ZNF469: variants seen among roughly 807,000 people sequenced by gnomAD.
ZNF469 encodes zinc finger protein 469.
In ZNF469, 1 loss-of-function variant was observed where a neutral mutation model predicts 1.0. That is an observed-to-expected ratio of 1.00 (90% CI 0.35 to 4.73). ZNF469 has a LOEUF of 4.73. Among genes scored for constraint, ZNF469 ranks in the 30% most tolerant of loss-of-function variants. The probability of loss-of-function intolerance (pLI) is 0.16; values close to 1 mark genes in which losing one functional copy is unlikely to be tolerated. For synonymous variants in ZNF469, 2,703 were observed against 2,363.4 expected (o/e 1.14, Z -4.17); for missense variants, 6,100 against 5,356.3 (o/e 1.14, Z -4.33).
At chr16:88,195,511 CT>C in the ZNF469 span, among the ~76,000 whole-genome samples, 19 of 152,194 alleles carry the variant, frequency 1.2e-4, no homozygotes, top group Middle Eastern at 6.8e-3. Context: ...TGGGTTTTAG[CT>C]GGGGCTGTCG....
the ZNF469 span, among the ~76,000 whole-genome samples, chr16:88,325,179 C>T: frequency 5.5e-5 from 6 of 109,342 alleles, no homozygotes; most frequent in Admixed American, 1.6e-4. Context: ...GGCCTCAAGT[C>T]CTCACCTGCA....
chr16:88,349,691 C>T, the ZNF469 span, among the ~76,000 whole-genome samples: 2 of 69,872 alleles, frequency 2.9e-5, no homozygotes, highest in Non-Finnish European at 6.4e-5. Context: ...ACACACCAAG[C>T]ACAATACACA....
chr16:88,132,200 C>A, the ZNF469 span, among the ~76,000 whole-genome samples: 1 of 152,238 alleles, frequency 6.6e-6, no homozygotes, highest in Non-Finnish European at 1.5e-5. Flanking sequence ...GGCCCCCACC[C>A]CTACCCAGGA....
Position 88,439,991 on chromosome 16 carries a change from G to A in ZNF469, c.*659G>A, listed in dbSNP as rs531681945. ...CCATCTCTAGCACACCTTGACCCCA[G>A]GAACCGGGTTCCCGTATGGAACTGG... On this transcript the variant is annotated 3_prime_UTR_variant, in exon 3 of 3. Coordinates refer to ENST00000565624, the MANE Select transcript of ZNF469 (RefSeq NM_001367624.2). 5.8e-5 allele frequency: 9 copies of A among 155,330 alleles called. No homozygotes were observed. The highest frequency in any genetic ancestry group is 2.2e-4 in the African/African-American group (9 of 41,406). The allele number at this position is 155,330 out of a possible 1,614,324, so 9.6% of individuals were successfully genotyped here.
chr16:88,158,545 G>T, the ZNF469 span, among the ~76,000 whole-genome samples: 1 of 88,778 alleles, frequency 1.1e-5, no homozygotes, highest in Non-Finnish European at 2.3e-5. Flanking sequence ...CAGAAGCCTG[G>T]CCTCATCTCT....
chr16:88,246,097 C>T, the ZNF469 span, among the ~76,000 whole-genome samples: 1 of 152,278 alleles, frequency 6.6e-6, no homozygotes, highest in Admixed American at 6.5e-5. Context: ...GCCCCAAGCC[C>T]CTGGAGGGCC....
At chr16:88,401,658 G>A (rs1011763049) in intron 1 of ZNF469, among the ~76,000 whole-genome samples, 20 of 77,214 alleles carry the variant, frequency 2.6e-4, no homozygotes, top group African/African-American at 7.8e-4. Context: ...TGGGTGGATG[G>A]GTAGATGGAT....
chr16:88,226,929 A>C, the ZNF469 span, among the ~76,000 whole-genome samples: 6 of 152,208 alleles, frequency 3.9e-5, no homozygotes, highest in South Asian at 4.2e-4. Context: ...CCACCCGGGA[A>C]GGATTCCCAA....
rs775423936 is a variant in ZNF469, at chr16:88,430,377, GGGCGGC to G, written c.2914_2919del (p.Gly972_Gly973del). The G allele has an allele frequency of 9.7e-4, 1,477 of 1,516,112 alleles. 3 individuals carry two copies. The highest frequency in any genetic ancestry group is 1.2e-3 in the Non-Finnish European group (1,386 of 1,135,744). 93.9% of individuals were successfully genotyped at this position (1,516,112 alleles called of 1,614,324 possible). A position where few individuals can be genotyped will look rare whatever the true frequency, so the allele number is the denominator to read the frequency against. ...GCGGCGCAGCAGAGGGGTCGGGGTC[GGGCGGC>G]GGCGGCAGAGCCTCCGGCCTGAGGC... On this transcript the variant is annotated inframe_deletion, in exon 3 of 3. Transcript: ENST00000565624.
At chr16:88,337,210 C>T in the ZNF469 span, among the ~76,000 whole-genome samples, 5 of 152,184 alleles carry the variant, frequency 3.3e-5, no homozygotes, top group Admixed American at 1.3e-4. Context: ...CCACCATTCC[C>T]GCATGTGGCA....
the ZNF469 span, among the ~76,000 whole-genome samples, chr16:88,305,755 AAC>A: frequency 4.6e-5 from 7 of 152,096 alleles, no homozygotes; most frequent in South Asian, 2.1e-4. Context: ...TACACACGGA[AAC>A]ACACATATGC....
chr16:88,401,909 GGGA>G (rs1904885098), intron 1 of ZNF469, among the ~76,000 whole-genome samples: 1 of 96,416 alleles, frequency 1.0e-5, no homozygotes, highest in South Asian at 3.5e-4. Context: ...GATGGATGGA[GGGA>G]TGGATGGATG....
At chr16:88,241,836 G>T in the ZNF469 span, among the ~76,000 whole-genome samples, 1 of 152,208 alleles carries the variant, frequency 6.6e-6, no homozygotes, top group Non-Finnish European at 1.5e-5. The surrounding 1 kb of genome is among the most constrained non-coding windows in gnomAD (Gnocchi z 4.8). Flanking sequence ...TGAGGGACCT[G>T]CTCCAGCAAG....
intron 1 of ZNF469, among the ~76,000 whole-genome samples, chr16:88,418,037 G>A (rs1905351434): frequency 6.6e-6 from 1 of 152,100 alleles, no homozygotes; most frequent in South Asian, 2.1e-4. Context: ...CTAACCTAGA[G>A]CCCCAGGTTC....
the ZNF469 span, among the ~76,000 whole-genome samples, chr16:88,122,902 G>A: frequency 6.6e-6 from 1 of 151,946 alleles, no homozygotes; most frequent in Admixed American, 6.6e-5. Context: ...GAGTGCAGTG[G>A]TGCAATCATA....
the ZNF469 span, among the ~76,000 whole-genome samples, chr16:88,231,869 G>T: frequency 7.2e-5 from 11 of 152,228 alleles, no homozygotes; most frequent in Non-Finnish European, 1.2e-4. The surrounding 1 kb of genome is among the most constrained non-coding windows in gnomAD (Gnocchi z 4.5). Context: ...TAGGATGTGG[G>T]CATCTTTGGG....
the ZNF469 span, among the ~76,000 whole-genome samples, chr16:88,377,863 T>TTGC: frequency 2.0e-5 from 3 of 147,968 alleles, no homozygotes; most frequent in East Asian, 4.1e-4. Flanking sequence ...ATTCTAGAGC[T>TTGC]TGTTGTTGTT....
chr16:88,401,949 TGGGAAGA>T, intron 1 of ZNF469, among the ~76,000 whole-genome samples: 1 of 23,484 alleles, frequency 4.3e-5, no homozygotes, highest in South Asian at 6.6e-4. Flanking sequence ...CGTGGGTGGA[TGGGAAGA>T]TGGATGGGTG....
At chr16:88,365,937 C>T in the ZNF469 span, among the ~76,000 whole-genome samples, 5 of 152,338 alleles carry the variant, frequency 3.3e-5, no homozygotes, top group African/African-American at 1.2e-4. Flanking sequence ...CAGCCATACA[C>T]ACATGGTGAC....
Sources: allele counts gnomAD v4.1 joint callset (sites outside exome capture counted in the v4.1 genomes callset), GRCh38; gene constraint gnomAD v4.1.1; non-coding constraint Gnocchi (gnomAD v3.1); transcripts MANE v1.5; gene names NCBI Gene and HGNC (gene_info 2026-07-23, HGNC 2026-07-21).